Variants in KLF5 observed in about 807,000 individuals in gnomAD.
KLF5 encodes Krueppel-like factor 5.
A neutral mutation model predicts 36.9 loss-of-function variants in KLF5; 9 were observed. The observed-to-expected ratio is 0.24, with a 90% CI of 0.15 to 0.43. The LOEUF (loss-of-function observed/expected upper bound fraction) is 0.43, where lower values mean the gene tolerates loss of function less well. Ranked by LOEUF, KLF5 falls within the 20% of genes least tolerant of loss-of-function variation. KLF5 has a pLI of 1.00. For synonymous variants in KLF5, 246 were observed against 241.7 expected, an observed-to-expected ratio of 1.02 and a Z score of -0.17; for missense variants, 524 against 599.5, an observed-to-expected ratio of 0.87 and a Z score of 1.31.
rs1338703380 is a variant in KLF5 at position 73,076,208 on chromosome 13, C to G, written c.*322C>G. 1 of 225,892 alleles carries G rather than the reference C, an allele frequency of 4.4e-6. No individual in the cohort carries two copies. Among genetic ancestry groups the G allele is most frequent in the East Asian group, 8.4e-5 (1 of 11,892 alleles). 14.0% of individuals were successfully genotyped at this position (225,892 alleles called of 1,614,324 possible). On this transcript the variant is annotated 3_prime_UTR_variant, in exon 4 of 4. Coordinates refer to ENST00000377687, the MANE Select transcript of KLF5 (RefSeq NM_001730.5). ...GTGTGCAGCGTTTTTACCTAGGCAC[C>G]ATCATTTAATGTGACAGTGTTCAGT...
chr13:73,073,655 C>CATCAGAAA (rs2044738168), intron 3 of KLF5, among the ~76,000 whole-genome samples: 1 of 152,120 alleles, frequency 6.6e-6, no homozygotes. Flanking sequence ...TTGTCTCAGA[C>CATCAGAAA]ATCAGAAATA....
intron 3 of KLF5, among the ~76,000 whole-genome samples, chr13:73,073,759 G>C (rs765355452): frequency 1.1e-4 from 16 of 152,102 alleles, no homozygotes; most frequent in Non-Finnish European, 2.1e-4. Flanking sequence ...TAATAGTACT[G>C]TGCAAAAATT....
intron 3 of KLF5, among the ~76,000 whole-genome samples, chr13:73,072,150 A>G (rs2044726478): frequency 6.6e-6 from 1 of 152,138 alleles, no homozygotes; most frequent in Non-Finnish European, 1.5e-5. Flanking sequence ...AGGCCTTGGT[A>G]TGTCTATTGA....
chr13:73,059,636 G>A (rs1185989924), intron 1 of KLF5, 48 bp downstream of exon 1: 1 of 1,129,542 alleles, frequency 8.9e-7, no homozygotes, highest in Non-Finnish European at 1.1e-6. Context: ...GGGCTCGGGC[G>A]TGTCCCGTTG....
At chr13:73,069,099 AAATAAT>A (rs1255517897) in intron 3 of KLF5, among the ~76,000 whole-genome samples, 1 of 152,198 alleles carries the variant, frequency 6.6e-6, no homozygotes, top group African/African-American at 2.4e-5. Context: ...CCATCTGAAA[AAATAAT>A]AATAATAAAA....
upstream of KLF5, among the ~76,000 whole-genome samples, chr13:73,058,073 T>TAGAAAC (rs1201508280): frequency 4.6e-5 from 7 of 152,392 alleles, no homozygotes; most frequent in African/African-American, 1.7e-4. Context: ...GTGCTAGGTT[T>TAGAAAC]CTGCTTTGTA....
chr13:73,069,168 C>G (rs1214486686), intron 3 of KLF5, among the ~76,000 whole-genome samples: 1 of 152,122 alleles, frequency 6.6e-6, no homozygotes, highest in African/African-American at 2.4e-5. Context: ...CAGGTACTTA[C>G]TAAAAGCAAC....
intron 3 of KLF5, among the ~76,000 whole-genome samples, chr13:73,067,332 T>C (rs1041886956): frequency 2.6e-5 from 4 of 152,186 alleles, no homozygotes; most frequent in African/African-American, 9.7e-5. Flanking sequence ...TTTAAAATAA[T>C]GTCTAAGTTT....
chr13:73,059,418 A>G lies in KLF5; in HGVS notation c.91A>G (p.Lys31Glu), dbSNP rs1282375948. ...GGACGAGCCGGTGTTCGCGCAGCTC[A>G]AGCCGGTGCTGGGCGCCGCGAATCC... ...PQDEPVFAQL[K>E]PVLGAANPAR... Residue 31 changes from lysine to glutamate, a missense_variant, in exon 1 of 4, where the codon AAG becomes GAG. Lys to Glu is a moderately conservative substitution (Grantham distance 56). Coordinates refer to ENST00000377687, the MANE Select transcript of KLF5 (RefSeq NM_001730.5). The G allele has an allele frequency of 2.2e-6, 3 of 1,357,158 alleles. No homozygotes were observed. The highest frequency in any genetic ancestry group is 1.9e-6 in the Non-Finnish European group (2 of 1,055,484). The allele number at this position is 1,357,158 out of a possible 1,614,324, so 84.1% of individuals were successfully genotyped here.
At chr13:73,067,346 A>C (rs1395628547) in intron 3 of KLF5, among the ~76,000 whole-genome samples, 1 of 152,236 alleles carries the variant, frequency 6.6e-6, no homozygotes, top group East Asian at 1.9e-4. Flanking sequence ...TAAGTTTGCA[A>C]AGGTTTGAGG....
chr13:73,062,554 C>T lies in KLF5; in HGVS notation c.955C>T (p.Leu319Phe). ...AAGTCCAGATAGACAAGCAGAGATGCTCCAGAATTTAACCCCACCTCCATC... is the reference window on the plus strand; with the variant it reads ...AAGTCCAGATAGACAAGCAGAGATGTTCCAGAATTTAACCCCACCTCCATC... ...PGSPDRQAEM[L>F]QNLTPPPSYA... The change falls in exon 2 of 4, where the codon CTC (leucine) becomes TTC (phenylalanine). Residue 319 changes from leucine to phenylalanine, a missense_variant. Transcript: ENST00000377687. 1 of 1,614,214 alleles carries T rather than the reference C, an allele frequency of 6.2e-7. No individual in the cohort carries two copies. The highest frequency in any genetic ancestry group is 8.5e-7 in the Non-Finnish European group (1 of 1,180,030).
chr13:73,060,155 CT>C (rs1219152482), intron 1 of KLF5, among the ~76,000 whole-genome samples: 4 of 93,292 alleles, frequency 4.3e-5, no homozygotes, highest in Admixed American at 1.3e-4. Flanking sequence ...CTTATTTTTC[CT>C]TAAAAAAAAA....
intron 3 of KLF5, among the ~76,000 whole-genome samples, chr13:73,065,519 A>G (rs1480180332): frequency 6.6e-6 from 1 of 152,208 alleles, no homozygotes; most frequent in Non-Finnish European, 1.5e-5. Flanking sequence ...AACTGATTAC[A>G]TAAGAGGAAG....
intron 2 of KLF5, among the ~76,000 whole-genome samples, chr13:73,063,529 A>G (rs1193935882): frequency 1.3e-5 from 2 of 152,220 alleles, no homozygotes; most frequent in Non-Finnish European, 2.9e-5. Flanking sequence ...AACATATAGC[A>G]GCTCTTAATA....
intron 3 of KLF5, among the ~76,000 whole-genome samples, chr13:73,074,143 T>C (rs2044742033): frequency 6.6e-6 from 1 of 152,188 alleles, no homozygotes; most frequent in African/African-American, 2.4e-5. Flanking sequence ...ATGTCGTCTG[T>C]TTTGGCACTT....
chr13:73,060,278 A>G (rs2044624544), intron 1 of KLF5, among the ~76,000 whole-genome samples: 1 of 151,870 alleles, frequency 6.6e-6, no homozygotes, highest in Admixed American at 6.6e-5. Context: ...CAGCCGAATT[A>G]GAGCAACCGC....
chr13:73,075,616 A>ATTTTTTTTTTT, intron 3 of KLF5, 92 bp from the exon 4 acceptor site: 2 of 1,103,556 alleles, frequency 1.8e-6, no homozygotes, highest in Admixed American at 2.4e-5. Context: ...CTTGGCCAAG[A>ATTTTTTTTTTT]TTTTTTTTTT....
At chr13:73,058,445 C>G (rs1183786347), upstream of KLF5, among the ~76,000 whole-genome samples, 1 of 152,200 alleles carries the variant, frequency 6.6e-6, no homozygotes, top group African/African-American at 2.4e-5. Flanking sequence ...TACACAGGGA[C>G]AAGAGCTGTT....
chr13:73,059,679 G>T, intron 1 of KLF5, 91 bp downstream of exon 1: 5 of 1,024,668 alleles, frequency 4.9e-6, no homozygotes, highest in Non-Finnish European at 4.7e-6. Context: ...GCCGCTCCAG[G>T]CTGGGGCGTG....
Sources: gnomAD v4.1 joint callset for allele counts (sites outside exome capture counted in the v4.1 genomes callset) on GRCh38, gnomAD v4.1.1 for gene constraint, MANE v1.5 for transcripts, NCBI Gene and HGNC (gene_info 2026-07-23, HGNC 2026-07-21) for gene names.